Variants in CAST observed in about 807,000 individuals in gnomAD.
CAST encodes MIR583 host.
In CAST, 76 loss-of-function variants were observed where a neutral mutation model predicts 119.6. That is an observed-to-expected ratio of 0.64 (90% CI 0.53 to 0.77). CAST has a LOEUF of 0.77. Among genes scored for constraint, CAST ranks in the 30% least tolerant of loss-of-function variants. The pLI, the probability that CAST is intolerant of heterozygous loss-of-function variation, is 0.00. For synonymous variants in CAST, 319 were observed against 331.6 expected (o/e 0.96, Z 0.41); for missense variants, 953 against 946.5 (o/e 1.01, Z -0.09).
the CAST span, among the ~76,000 whole-genome samples, chr5:96,421,226 C>A: frequency 6.6e-6 from 1 of 152,064 alleles, no homozygotes; most frequent in African/African-American, 2.4e-5. Context: ...TGGCTCTTGG[C>A]CTCTCTCACC....
chr5:96,163,659 A>C, the CAST span, among the ~76,000 whole-genome samples: 1 of 152,232 alleles, frequency 6.6e-6, no homozygotes. Flanking sequence ...CCTGAAATCC[A>C]ATCAGGTATC....
At chr5:96,142,291 A>G in the CAST span, among the ~76,000 whole-genome samples, 2 of 152,036 alleles carry the variant, frequency 1.3e-5, no homozygotes, top group Non-Finnish European at 2.9e-5. Context: ...GTGTGCCTGT[A>G]ATCCCAGCTA....
At chr5:96,480,817 A>G in the CAST span, among the ~76,000 whole-genome samples, 1 of 152,240 alleles carries the variant, frequency 6.6e-6, no homozygotes, top group Non-Finnish European at 1.5e-5. Flanking sequence ...CTTTTGAAGC[A>G]GTTTCAGTGA....
At chr5:96,250,819 T>C in the CAST span, among the ~76,000 whole-genome samples, 1 of 152,160 alleles carries the variant, frequency 6.6e-6, no homozygotes, top group Non-Finnish European at 1.5e-5. Flanking sequence ...TAGGACTACA[T>C]CTGTCTCTGG....
chr5:96,597,845 G>C (rs541648902), intron 1 of CAST, among the ~76,000 whole-genome samples: 16 of 151,890 alleles, frequency 1.1e-4, no homozygotes, highest in Non-Finnish European at 2.9e-5. Flanking sequence ...GGTCAGGGTG[G>C]TTTTGTGGCT....
the CAST span, among the ~76,000 whole-genome samples, chr5:96,185,293 T>TA: frequency 1.3e-5 from 2 of 152,238 alleles, no homozygotes; most frequent in Non-Finnish European, 2.9e-5. Context: ...TCTTATTCTG[T>TA]AGGTTGTCTG....
chr5:96,088,106 T>C, the CAST span, among the ~76,000 whole-genome samples: 1 of 152,220 alleles, frequency 6.6e-6, no homozygotes, highest in South Asian at 2.1e-4. Context: ...AATACTCAGC[T>C]CTATACAGCA....
Position 96,762,815 on chromosome 5 carries a change from C to T in CAST, c.1932+443C>T, listed in dbSNP as rs1561608295. On this transcript the variant is annotated intron_variant, in intron 25 of 31. Coordinates refer to ENST00000675179, the MANE Select transcript of CAST (RefSeq NM_001750.7). Reference sequence around the variant, plus strand: ...TGTTTGAGCTTTTACAAACATTTTACAAACGTCATGGAATAGCATTGTTTT... The same window carrying T: ...TGTTTGAGCTTTTACAAACATTTTATAAACGTCATGGAATAGCATTGTTTT... The T allele has an allele frequency of 1.2e-5, 3 of 256,196 alleles. No individual in the cohort carries two copies. In the East Asian group the frequency reaches 2.5e-4, roughly 22 times the overall value. 15.9% of individuals were successfully genotyped at this position (256,196 alleles called of 1,614,324 possible).
upstream of CAST, among the ~76,000 whole-genome samples, chr5:96,660,932 A>C (rs745749062): frequency 6.6e-6 from 1 of 151,752 alleles, no homozygotes; most frequent in Non-Finnish European, 1.5e-5. Flanking sequence ...ATACACAGAC[A>C]GTAAGTACGA....
At chr5:96,645,509 A>C (rs939687125) in intron 1 of CAST, among the ~76,000 whole-genome samples, 26 of 152,274 alleles carry the variant, frequency 1.7e-4, no homozygotes, top group African/African-American at 6.3e-4. Flanking sequence ...ATTCATTTGC[A>C]AGATTCTCTA....
chr5:96,432,100 A>G, the CAST span: 1 of 1,535,238 alleles, frequency 6.5e-7, no homozygotes, highest in Middle Eastern at 1.7e-4. Context: ...AAGAACAAGA[A>G]AGAAATAGAT....
the CAST span, among the ~76,000 whole-genome samples, chr5:96,284,243 A>AC: frequency 6.6e-6 from 1 of 152,128 alleles, no homozygotes; most frequent in Non-Finnish European, 1.5e-5. Flanking sequence ...GCCTCTCAGT[A>AC]CCCCCAGGGA....
the CAST span, among the ~76,000 whole-genome samples, chr5:96,006,806 A>C: frequency 6.6e-6 from 1 of 152,120 alleles, no homozygotes; most frequent in Admixed American, 6.6e-5. Flanking sequence ...TTATTTCCTT[A>C]TTACTTTCTA....
chr5:96,411,599 G>C, the CAST span, among the ~76,000 whole-genome samples: 6 of 152,196 alleles, frequency 3.9e-5, no homozygotes, highest in Non-Finnish European at 7.3e-5. Context: ...CAACAGGCAC[G>C]TGCAGAGCAG....
At chr5:95,983,068 G>A in the CAST span, among the ~76,000 whole-genome samples, 1 of 152,166 alleles carries the variant, frequency 6.6e-6, no homozygotes, top group Non-Finnish European at 1.5e-5. Flanking sequence ...AAAGCAGCCA[G>A]ACACAAGAAA....
At chr5:96,057,304 C>A in the CAST span, among the ~76,000 whole-genome samples, 4 of 152,150 alleles carry the variant, frequency 2.6e-5, no homozygotes, top group Admixed American at 2.6e-4. Flanking sequence ...TTAGGCAGAG[C>A]CGTCTCTGCT....
the CAST span, among the ~76,000 whole-genome samples, chr5:96,176,947 T>G: frequency 6.6e-6 from 1 of 152,220 alleles, no homozygotes; most frequent in Non-Finnish European, 1.5e-5. Flanking sequence ...TTTTGGAAAT[T>G]GTACCAAACT....
At chr5:96,423,529 C>T in the CAST span, 1 of 1,389,092 alleles carries the variant, frequency 7.2e-7, no homozygotes, top group Non-Finnish European at 1.0e-6. Flanking sequence ...CACTTCAGTT[C>T]CAACCTGGAG....
rs1281174136 is a variant in CAST, at chr5:96,664,412, TA to T, written c.75+1916del. Among the ~76,000 whole-genome samples, 23 of 144,394 alleles carry T rather than the reference TA, an allele frequency of 1.6e-4. No individual in the cohort carries two copies. The East Asian group carries it at 4.3e-3, about 27-fold the overall frequency. The allele number at this position is 144,394 out of a possible 152,430, so 94.7% of individuals were successfully genotyped here. A position where few individuals can be genotyped will look rare whatever the true frequency, so the allele number is the denominator to read the frequency against. ...ATATATATGTGTAAATATATATATA[TA>T]TGCACACACACACACACATACAATA... On this transcript the variant is annotated intron_variant, in intron 1 of 31. Coordinates refer to ENST00000675179, the MANE Select transcript of CAST (RefSeq NM_001750.7).
Sources: allele counts gnomAD v4.1 joint callset (sites outside exome capture counted in the v4.1 genomes callset), GRCh38; gene constraint gnomAD v4.1.1; transcripts MANE v1.5; gene names NCBI Gene and HGNC (gene_info 2026-07-23, HGNC 2026-07-21).